Variants in OTUD7A observed in about 807,000 individuals in gnomAD.
OTUD7A encodes OTU domain-containing protein 7A.
In OTUD7A, 12 loss-of-function variants were observed where a neutral mutation model predicts 65.7. The observed-to-expected ratio is 0.18, with a 90% CI of 0.12 to 0.30. The LOEUF (loss-of-function observed/expected upper bound fraction) is 0.30. Among genes scored for constraint, OTUD7A ranks in the 10% least tolerant of loss-of-function variants. OTUD7A has a pLI of 1.00. For synonymous variants in OTUD7A, 641 were observed against 586.3 expected (o/e 1.09, Z -1.35); for missense variants, 1,148 against 1,304.8 (o/e 0.88, Z 1.85).
At chr15:31,650,913 T>C (rs1242375379) in intron 3 of OTUD7A, among the ~76,000 whole-genome samples, 43 of 133,334 alleles carry the variant, frequency 3.2e-4, no homozygotes, top group African/African-American at 1.4e-3. Context: ...AGTGGAAATA[T>C]TAGAAATGAA....
intron 1 of OTUD7A, among the ~76,000 whole-genome samples, chr15:31,690,111 T>C (rs1297415659): frequency 6.6e-6 from 1 of 152,208 alleles, no homozygotes; most frequent in Non-Finnish European, 1.5e-5. Flanking sequence ...ATAAGGTCCC[T>C]AGTTCAATCT....
At chr15:31,759,612 C>T (rs1409511643) in intron 1 of OTUD7A, among the ~76,000 whole-genome samples, 1 of 152,220 alleles carries the variant, frequency 6.6e-6, no homozygotes, top group Non-Finnish European at 1.5e-5. Flanking sequence ...CAGCTCACTG[C>T]CACCTCTGCC....
chr15:31,565,366 A>G (rs74012530), intron 4 of OTUD7A, among the ~76,000 whole-genome samples: 4,077 of 152,290 alleles, frequency 0.027, 186 homozygotes, highest in African/African-American at 0.092. Flanking sequence ...CAAATGACTA[A>G]TAAGAGAATT....
At chr15:31,580,653 G>A (rs1006376239) in intron 3 of OTUD7A, among the ~76,000 whole-genome samples, 11 of 152,198 alleles carry the variant, frequency 7.2e-5, no homozygotes, top group Non-Finnish European at 1.5e-4. Flanking sequence ...GTAAAGTCAT[G>A]TCTTACATGG....
chr15:31,530,767 G>A lies in OTUD7A; in HGVS notation c.592C>T (p.Arg198Trp), dbSNP rs2141122591. ...WWSTVCTSCK[R>W]LLPLATTGDG... Reference sequence around the variant, plus strand: ...CCTGTTGTGGCCAGAGGAAGAAGCCGTTTACAGCTCGTGCACACAGTGGAC... The same window carrying A: ...CCTGTTGTGGCCAGAGGAAGAAGCCATTTACAGCTCGTGCACACAGTGGAC... Residue 198 changes from arginine to tryptophan, a missense_variant, in exon 6 of 13, where the codon CGG (arginine) becomes TGG (tryptophan). Arg to Trp is a moderately radical substitution (Grantham distance 101, BLOSUM62 -3). This residue lies in a region of OTUD7A where 134 missense variants were observed against 252.6 expected (regional missense o/e 0.53). Coordinates refer to ENST00000307050, the MANE Select transcript of OTUD7A (RefSeq NM_001382637.1). The A allele has an allele frequency of 3.1e-6, 5 of 1,614,152 alleles. No individual in the cohort carries two copies. The highest frequency in any genetic ancestry group is 4.2e-6 in the Non-Finnish European group (5 of 1,180,016).
At chr15:31,672,313 C>A (rs1424980668) in intron 1 of OTUD7A, among the ~76,000 whole-genome samples, 1 of 152,078 alleles carries the variant, frequency 6.6e-6, no homozygotes, top group Non-Finnish European at 1.5e-5. Context: ...TCTGCCCAGT[C>A]TTTCTATCTC....
intron 1 of OTUD7A, among the ~76,000 whole-genome samples, chr15:31,851,131 T>C (rs1424335201): frequency 9.2e-5 from 14 of 151,748 alleles, no homozygotes; most frequent in Non-Finnish European, 2.1e-4. Context: ...ATGAAGAGAA[T>C]GTGTGTAAAT....
chr15:31,861,547 G>A (rs1385071622), intron 1 of OTUD7A, among the ~76,000 whole-genome samples: 1 of 152,156 alleles, frequency 6.6e-6, no homozygotes. Context: ...AGAGGACCCT[G>A]GAGGGATGTC....
intron 3 of OTUD7A, among the ~76,000 whole-genome samples, chr15:31,610,591 A>AAT (rs1442097986): frequency 2.3e-4 from 25 of 110,444 alleles, no homozygotes; most frequent in Non-Finnish European, 4.2e-4. Context: ...AGAAAAATGA[A>AAT]ATTATATATA....
At chr15:31,611,584 T>C (rs1172898722) in intron 3 of OTUD7A, among the ~76,000 whole-genome samples, 1 of 151,852 alleles carries the variant, frequency 6.6e-6, no homozygotes, top group East Asian at 1.9e-4. Context: ...CCTGGAAAAA[T>C]ACAACCCTCA....
At chr15:31,618,606 G>A (rs1049454428) in intron 3 of OTUD7A, among the ~76,000 whole-genome samples, 11 of 152,122 alleles carry the variant, frequency 7.2e-5, no homozygotes, top group Non-Finnish European at 1.3e-4. Context: ...CATATCCTTT[G>A]CCCACTTGTT....
At position 31,528,584 on chromosome 15, in the gene OTUD7A, G is replaced by C. The variant is rs1372236301; in HGVS notation, c.653-1276C>G. On this transcript the variant is annotated intron_variant, in intron 6 of 12. Coordinates refer to ENST00000307050, the MANE Select transcript of OTUD7A (RefSeq NM_001382637.1). ...CCTTTTTCTATAGGATGGCAGGGGA[G>C]GGGGAATGACCACTGTCACTCCTCG... Among the ~76,000 whole-genome samples, 4 of 152,344 alleles carry C rather than the reference G, an allele frequency of 2.6e-5. No individual in the cohort carries two copies. The East Asian group carries it at 7.7e-4, about 29-fold the overall frequency.
intron 1 of OTUD7A, 115 bp downstream of exon 1, chr15:31,870,392 G>C (rs909855007): frequency 6.8e-6 from 1 of 146,178 alleles, no homozygotes; most frequent in African/African-American, 2.5e-5. Flanking sequence ...CACCTGCCTC[G>C]CCACGGAGCT....
At chr15:31,612,292 G>C (rs1246814217) in intron 3 of OTUD7A, among the ~76,000 whole-genome samples, 1 of 152,206 alleles carries the variant, frequency 6.6e-6, no homozygotes, top group Admixed American at 6.5e-5. Flanking sequence ...GGAAGTCCTA[G>C]CCAGGGCAAT....
At chr15:31,825,352 G>A (rs1472859700) in intron 1 of OTUD7A, among the ~76,000 whole-genome samples, 1 of 152,218 alleles carries the variant, frequency 6.6e-6, no homozygotes, top group Non-Finnish European at 1.5e-5. Context: ...TTACATGGAT[G>A]GAAGCAGGCA....
intron 5 of OTUD7A, among the ~76,000 whole-genome samples, chr15:31,550,309 AC>A (rs1362997133): frequency 6.6e-6 from 1 of 151,980 alleles, no homozygotes; most frequent in Non-Finnish European, 1.5e-5. Flanking sequence ...GACAGCATGC[AC>A]CCTGGGCACT....
chr15:31,758,133 T>G (rs1595749829), intron 1 of OTUD7A, among the ~76,000 whole-genome samples: 1 of 152,234 alleles, frequency 6.6e-6, no homozygotes, highest in East Asian at 1.9e-4. Context: ...AAAAGTCATG[T>G]AGTCAAAGTT....
chr15:31,821,136 T>TC (rs1033079179), intron 1 of OTUD7A, among the ~76,000 whole-genome samples: 1 of 138,178 alleles, frequency 7.2e-6, no homozygotes, highest in African/African-American at 2.7e-5. Flanking sequence ...TTCATTTCTT[T>TC]TTTTTTTTTT....
At chr15:31,664,657 T>C (rs1220589455) in intron 1 of OTUD7A, among the ~76,000 whole-genome samples, 2 of 152,234 alleles carry the variant, frequency 1.3e-5, no homozygotes, top group Admixed American at 1.3e-4. Flanking sequence ...AGCTCTTTAG[T>C]TTAATTAAGT....
Sources: gnomAD v4.1 joint callset for allele counts (sites outside exome capture counted in the v4.1 genomes callset) on GRCh38, gnomAD v4.1.1 for gene constraint, gnomAD v4.1.1 regional missense constraint, MANE v1.5 for transcripts, NCBI Gene and HGNC (gene_info 2026-07-23, HGNC 2026-07-21) for gene names.